The following HJURP variants were observed in gnomAD, a reference collection of about 807,000 sequenced individuals.
HJURP encodes 14-3-3-associated AKT substrate.
In HJURP, 49 loss-of-function variants were observed where a neutral mutation model predicts 72.0. That is an observed-to-expected ratio of 0.68 (90% CI 0.54 to 0.86). The LOEUF (loss-of-function observed/expected upper bound fraction) is 0.86. HJURP is among the 40% of genes least tolerant of loss of function. The pLI, the probability that HJURP is intolerant of heterozygous loss-of-function variation, is 0.00. For synonymous variants in HJURP, 357 were observed against 347.1 expected (o/e 1.03, Z -0.32); for missense variants, 908 against 936.3 (o/e 0.97, Z 0.39).
Position 233,841,377 on chromosome 2 carries a change from C to G in HJURP, c.1403G>C (p.Arg468Thr). ...LPDSWAMNMY[R>T]GGPASPGGLQ... ...GCCACCAGGACTCGCAGGACCCCCT[C>G]TGTACATGTTCATGGCCCAGGAGTC... The change falls in exon 8 of 9, where the codon AGA becomes ACA. Residue 468 changes from arginine to threonine, a missense_variant. Transcript: ENST00000411486. The G allele has an allele frequency of 6.2e-7, 1 of 1,614,204 alleles. No homozygotes were observed. Among genetic ancestry groups the G allele is most frequent in the Non-Finnish European group, 8.5e-7 (1 of 1,180,038 alleles).
chr2:233,843,652 A>G (rs760121893), intron 7 of HJURP, among the ~76,000 whole-genome samples: 5 of 152,188 alleles, frequency 3.3e-5, no homozygotes, highest in Non-Finnish European at 7.3e-5. Context: ...CAACGGTGGT[A>G]CCAGCCTGAG....
In HJURP at chr2:233,841,114, C is replaced by T. The variant is rs775895017; in HGVS notation, c.1666G>A (p.Val556Met). Reference sequence around the variant, plus strand: ...ACTGAAAGAGTTTTGCTGGGTGACACTGACTTTCTAAATATTCCAGAACTA... The same window carrying T: ...ACTGAAAGAGTTTTGCTGGGTGACATTGACTTTCTAAATATTCCAGAACTA... ...GNSSGIFRKS[V>M]SPSKTLSVPD... The change falls in exon 8 of 9, where the codon GTG becomes ATG. Residue 556 changes from valine to methionine, a missense_variant. Around this residue, in one of 3 missense-constraint regions of HJURP, gnomAD observed 598 missense variants for 619.5 expected, o/e 0.97. Coordinates refer to ENST00000411486, the MANE Select transcript of HJURP (RefSeq NM_018410.5). 31 of 1,614,026 alleles carry T rather than the reference C, an allele frequency of 1.9e-5. No individual in the cohort carries two copies. Among genetic ancestry groups the T allele is most frequent in the Non-Finnish European group, 2.5e-5 (30 of 1,180,028 alleles).
At chr2:233,847,316 C>T in intron 5 of HJURP, 81 bp downstream of exon 5, 1 of 1,107,712 alleles carries the variant, frequency 9.0e-7, no homozygotes, top group South Asian at 1.2e-5. Flanking sequence ...GCGCTGCCCG[C>T]CTCAGGCCAC....
chr2:233,844,397 CAAGCG>C, intron 6 of HJURP, 114 bp from the exon 7 acceptor site: 1 of 775,732 alleles, frequency 1.3e-6, no homozygotes, highest in South Asian at 1.5e-5. Context: ...GCCATGTCGA[CAAGCG>C]TGTGAATGTG....
In HJURP at chr2:233,837,223, TTGCAGTG is replaced by T; in HGVS notation, c.*347_*353del. On this transcript the variant is annotated 3_prime_UTR_variant, in exon 9 of 9. Transcript: ENST00000411486. ...ATCGCTTGAACCCGGGAGGCGGAAG[TTGCAGTG>T]AGCCAAGATTGTGCCACCGCACTCC... 1 of 236,174 alleles carries T rather than the reference TTGCAGTG, an allele frequency of 4.2e-6. No individual in the cohort carries two copies. The highest frequency in any genetic ancestry group is 8.1e-6 in the Non-Finnish European group (1 of 122,748). 14.6% of individuals were successfully genotyped at this position (236,174 alleles called of 1,614,324 possible).
chr2:233,838,015 C>T (rs1705120179), intron 8 of HJURP, among the ~76,000 whole-genome samples: 2 of 152,132 alleles, frequency 1.3e-5, no homozygotes, highest in African/African-American at 4.8e-5. Context: ...TCGATCTAAT[C>T]AAGGGGTTCT....
rs1225657402 is a variant in HJURP at position 233,846,605 on chromosome 2, T to A, written c.403-785A>T. ...GTTCTTGACTCTTGGTACCACCCAC[T>A]TCCCCTTTGTTCCAATCCCTACACA... On this transcript the variant is annotated intron_variant, in intron 5 of 8. Transcript: ENST00000411486. The surrounding 1 kb of genome is among the most constrained non-coding windows in gnomAD (Gnocchi z 4.3). Among the ~76,000 whole-genome samples, 1 of 152,148 alleles carries A rather than the reference T, an allele frequency of 6.6e-6. No individual in the cohort carries two copies. The highest frequency in any genetic ancestry group is 1.5e-5 in the Non-Finnish European group (1 of 68,024).
chr2:233,840,259 T>A (rs955053117), intron 8 of HJURP, among the ~76,000 whole-genome samples: 2 of 152,172 alleles, frequency 1.3e-5, no homozygotes, highest in Non-Finnish European at 2.9e-5. Context: ...ATTTTCTGAG[T>A]GTCAGATGAA....
rs1474865060 is a variant in HJURP at position 233,854,383 on chromosome 2, C to T, written c.117+1G>A. 2.5e-6 allele frequency: 4 copies of T among 1,581,654 alleles called. No homozygotes were observed. The highest frequency in any genetic ancestry group is 1.3e-5 in the African/African-American group (1 of 74,494). ...TCCCGGCGGACCGGCGGGGGCCGCA[C>T]CTTCTCTATCAGCCGCTGCATGCGC... On this transcript the variant is annotated splice_donor_variant, in intron 1 of 8. Transcript: ENST00000411486. LOFTEE classifies it high-confidence loss of function.
At chr2:233,849,435 A>G (rs1373093463) in intron 4 of HJURP, among the ~76,000 whole-genome samples, 1 of 152,134 alleles carries the variant, frequency 6.6e-6, no homozygotes, top group Non-Finnish European at 1.5e-5. Flanking sequence ...AAGCTGCCCT[A>G]TAGAAGTGAG....
rs751732125 is a variant in HJURP, at chr2:233,841,692, T to C, written c.1088A>G (p.Asn363Ser). The C allele has an allele frequency of 6.2e-7, 1 of 1,614,232 alleles. No homozygotes were observed. The highest frequency in any genetic ancestry group is 8.5e-7 in the Non-Finnish European group (1 of 1,180,044). Residue 363 changes from asparagine (N) to serine (S), a missense_variant, in exon 8 of 9, where the codon AAC becomes AGC. Transcript: ENST00000411486. ...ATCTAACTTATGGATTTGGGGTCTG[T>C]TGACTTCAAGAAAAGCTTTTTCCAA... ...LKLEKAFLEV[N>S]RPQIHKLDPS...
At chr2:233,838,023 T>G (rs1705120230) in intron 8 of HJURP, among the ~76,000 whole-genome samples, 1 of 152,172 alleles carries the variant, frequency 6.6e-6, no homozygotes, top group Non-Finnish European at 1.5e-5. Flanking sequence ...ATCAAGGGGT[T>G]CTGGTGGGGA....
Position 233,841,185 on chromosome 2 carries a change from CTG to C in HJURP, c.1593_1594del (p.His531GlnfsTer10). The C allele has an allele frequency of 1.9e-6, 3 of 1,614,182 alleles. No individual in the cohort carries two copies. The highest frequency in any genetic ancestry group is 1.3e-5 in the African/African-American group (1 of 75,034). The stretch of plus-strand genomic sequence containing the variant: ...AGATGTCTGCTGCGGGCGAGTTGCG[CTG>C]TGTGTGGGGTTGGTCTTTGGAAGTG... On this transcript the variant is annotated frameshift_variant, in exon 8 of 9. Coordinates refer to ENST00000411486, the MANE Select transcript of HJURP (RefSeq NM_018410.5). LOFTEE classifies it high-confidence loss of function.
intron 3 of HJURP, among the ~76,000 whole-genome samples, chr2:233,850,599 G>A (rs961298617): frequency 1.3e-5 from 2 of 152,202 alleles, no homozygotes; most frequent in East Asian, 1.9e-4. Flanking sequence ...GGCCTATACC[G>A]TTAGGGATGG....
chr2:233,848,915 GGAGGAGCATGGGGCC>G (rs1443592771), intron 4 of HJURP, among the ~76,000 whole-genome samples: 1 of 152,202 alleles, frequency 6.6e-6, no homozygotes, highest in East Asian at 1.9e-4. Context: ...GAGGAAAACT[GGAGGAGCATGGGGCC>G]GAGGAGCAGG....
chr2:233,850,983 C>T (rs1705483447), intron 3 of HJURP, among the ~76,000 whole-genome samples: 1 of 152,220 alleles, frequency 6.6e-6, no homozygotes, highest in Admixed American at 6.5e-5. Flanking sequence ...GATCTGGACA[C>T]TGTCACCAAT....
chr2:233,842,600 A>AAT (rs1553644676), intron 7 of HJURP, among the ~76,000 whole-genome samples: 34 of 151,432 alleles, frequency 2.2e-4, no homozygotes, highest in South Asian at 4.2e-4. Context: ...TTAAAAAAAA[A>AAT]AAACCAACAG....
intron 1 of HJURP, 107 bp from the exon 2 acceptor site, chr2:233,854,017 C>A (rs1574653849): frequency 2.1e-6 from 2 of 944,424 alleles, no homozygotes; most frequent in Admixed American, 2.3e-5. Flanking sequence ...TGGCCTGGGG[C>A]GCCCCAAACG....
At chr2:233,844,575 A>T (rs1218617647) in intron 6 of HJURP, among the ~76,000 whole-genome samples, 1 of 152,200 alleles carries the variant, frequency 6.6e-6, no homozygotes, top group African/African-American at 2.4e-5. Context: ...GTCTAGCATT[A>T]TACTCAGACC....
Sources: gnomAD v4.1 joint callset for allele counts (sites outside exome capture counted in the v4.1 genomes callset) on GRCh38, gnomAD v4.1.1 for gene constraint, gnomAD v4.1.1 regional missense constraint, Gnocchi (gnomAD v3.1) non-coding constraint, MANE v1.5 for transcripts, NCBI Gene and HGNC (gene_info 2026-07-23, HGNC 2026-07-21) for gene names.